The following TBCK variants were observed in gnomAD, a reference collection of about 807,000 sequenced individuals.
The protein encoded by TBCK is TBC1 domain containing kinase, also known as TBC domain-containing protein kinase-like protein.
In TBCK, 99 loss-of-function variants were observed where a neutral mutation model predicts 113.4. The ratio of observed to expected loss-of-function variants is 0.87; its 90% CI spans 0.74 to 1.03. TBCK has a LOEUF of 1.03. TBCK is among the 50% of genes least tolerant of loss of function. The pLI is 0.00. For missense variants in TBCK, 1,045 were observed against 1,061.3 expected (o/e 0.98, Z 0.21); for synonymous variants, 369 against 370.8 (o/e 1.00, Z 0.05).
intron 3 of TBCK, among the ~76,000 whole-genome samples, chr4:106,287,237 A>G (rs1560969835): frequency 6.6e-6 from 1 of 152,094 alleles, no homozygotes; most frequent in Non-Finnish European, 1.5e-5. Flanking sequence ...TATTCCCTTA[A>G]TACTCTACCC....
rs559037003 is a variant in TBCK, at chr4:106,224,973, A to T, written c.1774+5390T>A. Among the ~76,000 whole-genome samples, 54 of 152,298 alleles carry T rather than the reference A, an allele frequency of 3.5e-4. 1 individual carries two copies. The highest frequency in any genetic ancestry group is 1.2e-3 in the Admixed American group (18 of 15,298). On this transcript the variant is annotated intron_variant, in intron 19 of 25. Coordinates refer to ENST00000394708, the MANE Select transcript of TBCK (RefSeq NM_001163435.3). ...TCTTGCTCTGTGCTAACATAATAGT[A>T]TGTATACTTGTCTCCTAGACTTATA...
chr4:106,246,171 T>C (rs1760794365), intron 10 of TBCK, among the ~76,000 whole-genome samples: 2 of 152,150 alleles, frequency 1.3e-5, no homozygotes, highest in Non-Finnish European at 2.9e-5. Flanking sequence ...GCTGCCATTG[T>C]GCTATATTCA....
intron 3 of TBCK, among the ~76,000 whole-genome samples, chr4:106,273,788 G>T (rs561521837): frequency 6.6e-6 from 1 of 152,228 alleles, no homozygotes; most frequent in Non-Finnish European, 1.5e-5. Context: ...GCCTCCAAAG[G>T]GGGTGTGACC....
chr4:106,070,277 T>C (rs1223712059), intron 25 of TBCK, among the ~76,000 whole-genome samples: 2 of 152,176 alleles, frequency 1.3e-5, no homozygotes, highest in African/African-American at 4.8e-5. Flanking sequence ...GGCTGTGGGT[T>C]TGTCATAAAT....
chr4:106,217,295 T>G (rs1275975297), intron 19 of TBCK, among the ~76,000 whole-genome samples: 1 of 152,154 alleles, frequency 6.6e-6, no homozygotes, highest in Non-Finnish European at 1.5e-5. Context: ...GCATTCCCTT[T>G]GAAAACTGGC....
intron 22 of TBCK, among the ~76,000 whole-genome samples, chr4:106,188,027 G>A (rs992735825): frequency 2.6e-5 from 4 of 151,934 alleles, no homozygotes; most frequent in African/African-American, 7.3e-5. Flanking sequence ...CTTCCTATTC[G>A]GATGCCTTTA....
chr4:106,080,496 C>G (rs766054036), intron 25 of TBCK, among the ~76,000 whole-genome samples: 9 of 152,146 alleles, frequency 5.9e-5, no homozygotes, highest in Non-Finnish European at 1.2e-4. Context: ...TGGATCCCCT[C>G]CTTTTACCAT....
chr4:106,234,455 T>G (rs1049860559), intron 15 of TBCK, among the ~76,000 whole-genome samples: 2 of 151,998 alleles, frequency 1.3e-5, no homozygotes, highest in Non-Finnish European at 2.9e-5. Context: ...TTTCTAAAAA[T>G]TTTTTAGAGT....
At chr4:106,213,554 G>C (rs554210805) in intron 19 of TBCK, 1 of 154,112 alleles carries the variant, frequency 6.5e-6, no homozygotes, top group Admixed American at 6.5e-5. Context: ...TGCCTCACTC[G>C]GGAAGCGCAA....
At chr4:106,260,322 A>T (rs1762385850) in intron 5 of TBCK, 115 bp downstream of exon 5, 2 of 432,194 alleles carry the variant, frequency 4.6e-6, no homozygotes, top group Non-Finnish European at 8.0e-6. Flanking sequence ...CATTAATTTT[A>T]AAAAAGCTGT....
intron 23 of TBCK, among the ~76,000 whole-genome samples, chr4:106,165,052 CAAT>C (rs1415806891): frequency 1.3e-5 from 2 of 151,514 alleles, no homozygotes; most frequent in African/African-American, 2.4e-5. Flanking sequence ...AAGAACTTAA[CAAT>C]AATTATTGCT....
At chr4:106,306,236 A>ATTTTTT (rs60417567) in intron 2 of TBCK, among the ~76,000 whole-genome samples, 3 of 97,350 alleles carry the variant, frequency 3.1e-5, no homozygotes, top group South Asian at 3.9e-4. Flanking sequence ...TGCCTGGCTA[A>ATTTTTT]TTTTTTTTTT....
At chr4:106,084,508 C>T (rs1446258202) in intron 25 of TBCK, among the ~76,000 whole-genome samples, 3 of 152,114 alleles carry the variant, frequency 2.0e-5, no homozygotes, top group Admixed American at 2.0e-4. Context: ...AGCTGGAAAA[C>T]ACACTTCAGG....
intron 22 of TBCK, among the ~76,000 whole-genome samples, chr4:106,189,890 T>G (rs1753469989): frequency 6.6e-6 from 1 of 152,114 alleles, no homozygotes; most frequent in Non-Finnish European, 1.5e-5. Flanking sequence ...CCTTCAGCTG[T>G]TTCAGGCCTT....
chr4:106,141,305 T>C (rs1747128512), intron 23 of TBCK, among the ~76,000 whole-genome samples: 2 of 140,842 alleles, frequency 1.4e-5, no homozygotes, highest in Admixed American at 1.4e-4. Context: ...GAGAGAACAG[T>C]AATATGGCTG....
At chr4:106,146,152 C>T (rs1034496732) in intron 23 of TBCK, among the ~76,000 whole-genome samples, 3 of 152,048 alleles carry the variant, frequency 2.0e-5, no homozygotes, top group Non-Finnish European at 2.9e-5. Flanking sequence ...CCTAAGTGCC[C>T]ATCAATGACA....
intron 23 of TBCK, among the ~76,000 whole-genome samples, chr4:106,161,254 A>C (rs12512966): frequency 0.19 from 28,367 of 152,132 alleles, 2,669 homozygotes; most frequent in South Asian, 0.25. Flanking sequence ...TACAAATACA[A>C]ATAAATGCAT....
chr4:106,197,274 G>A (rs1177774470), intron 20 of TBCK, among the ~76,000 whole-genome samples: 2 of 151,780 alleles, frequency 1.3e-5, no homozygotes, highest in African/African-American at 4.8e-5. Context: ...GCCAGAGAGA[G>A]AGATGCATAG....
At chr4:106,167,147 G>A (rs1553947739) in intron 23 of TBCK, among the ~76,000 whole-genome samples, 7 of 143,890 alleles carry the variant, frequency 4.9e-5, no homozygotes, top group Non-Finnish European at 7.6e-5. Flanking sequence ...GAGAGAGAGA[G>A]AACTATATAT....
Sources: allele counts gnomAD v4.1 joint callset (sites outside exome capture counted in the v4.1 genomes callset), GRCh38; gene constraint gnomAD v4.1.1; transcripts MANE v1.5; gene names NCBI Gene and HGNC (gene_info 2026-07-23, HGNC 2026-07-21).